The following ZDHHC23 variants were observed in gnomAD, a reference collection of about 807,000 sequenced individuals.
The protein encoded by ZDHHC23 is zDHHC palmitoyltransferase 23.
ZDHHC23 carries 41 observed loss-of-function variants against 40.2 expected under a neutral mutation model. The observed-to-expected ratio is 1.02, with a 90% CI of 0.79 to 1.32. The LOEUF (loss-of-function observed/expected upper bound fraction) is 1.32. ZDHHC23 is among the 40% of genes most tolerant of loss of function. ZDHHC23 has a pLI of 0.00. For synonymous variants in ZDHHC23, 204 were observed against 210.2 expected, an observed-to-expected ratio of 0.97 and a Z score of 0.26; for missense variants, 471 against 541.5, an observed-to-expected ratio of 0.87 and a Z score of 1.29.
At chr3:113,966,632 G>C (rs1321057113), downstream of ZDHHC23, among the ~76,000 whole-genome samples, 1 of 152,130 alleles carries the variant, frequency 6.6e-6, no homozygotes, top group Non-Finnish European at 1.5e-5. Context: ...GTGTTGAAAC[G>C]AAGTGCAGAG....
At chr3:113,974,893 T>C in the ZDHHC23 span, among the ~76,000 whole-genome samples, 23 of 152,332 alleles carry the variant, frequency 1.5e-4, no homozygotes, top group South Asian at 2.7e-3. Context: ...TAATCTTTTA[T>C]GTTTTCTACT....
intron 2 of ZDHHC23, 22 bp from the exon 3 acceptor site, chr3:113,953,678 T>G (rs375440180): frequency 1.3e-6 from 2 of 1,592,270 alleles, no homozygotes; most frequent in African/African-American, 2.7e-5. Flanking sequence ...AAGTCCCTCC[T>G]CTTTGTGCTT....
At chr3:113,973,107 G>T in the ZDHHC23 span, among the ~76,000 whole-genome samples, 1 of 152,076 alleles carries the variant, frequency 6.6e-6, no homozygotes, top group Admixed American at 6.6e-5. Context: ...TTGTTTGCTG[G>T]TTGTTTTGTA....
chr3:113,976,754 T>C, the ZDHHC23 span, among the ~76,000 whole-genome samples: 2 of 152,170 alleles, frequency 1.3e-5, no homozygotes, highest in African/African-American at 2.4e-5. Flanking sequence ...ATAGGTTCTG[T>C]TGCTATCCTC....
At chr3:113,967,245 C>T (rs1452334635), downstream of ZDHHC23, among the ~76,000 whole-genome samples, 8 of 152,232 alleles carry the variant, frequency 5.3e-5, no homozygotes, top group African/African-American at 1.9e-4. Flanking sequence ...CTCCCATTCT[C>T]AGCCATTCAC....
At chr3:113,968,547 CAA>C (rs1302332310), downstream of ZDHHC23, among the ~76,000 whole-genome samples, 1 of 151,510 alleles carries the variant, frequency 6.6e-6, no homozygotes, top group African/African-American at 2.4e-5. Flanking sequence ...CTCCTGGACT[CAA>C]GAGATCCTTT....
In ZDHHC23 at chr3:113,962,420, G is replaced by C. The variant is rs995882359; in HGVS notation, c.*3790G>C. The C allele has an allele frequency of 6.6e-6, 1 of 152,172 alleles. No individual in the cohort carries two copies. The highest frequency in any genetic ancestry group is 2.4e-5 in the African/African-American group (1 of 41,426). 9.4% of individuals were successfully genotyped at this position (152,172 alleles called of 1,614,324 possible). A position where few individuals can be genotyped will look rare whatever the true frequency, so the allele number is the denominator to read the frequency against. ...TTAAGAGGCTGCGATGTCTAGGTTG[G>C]GCTTGTGACTTCTTAGTGGCCTAGC... On this transcript the variant is annotated 3_prime_UTR_variant, in exon 5 of 5. Transcript: ENST00000638807.
the ZDHHC23 span, among the ~76,000 whole-genome samples, chr3:113,974,025 GCTCA>G: frequency 5.1e-3 from 776 of 150,942 alleles, 8 homozygotes; most frequent in African/African-American, 0.018. Flanking sequence ...TTGTCTTTGG[GCTCA>G]CTAATTCTTT....
rs914543011 is a variant in ZDHHC23, at chr3:113,953,863, C to A, written c.325C>A (p.His109Asn). The change falls in exon 3 of 5, where the codon CAT becomes AAT. Residue 109 changes from histidine (H) to asparagine (N), a missense_variant. By Grantham distance (68) the His-to-Asn change is moderately conservative. This residue lies in a region of ZDHHC23 where 42 missense variants were observed against 73.9 expected (regional missense o/e 0.57). Transcript: ENST00000638807. The stretch of plus-strand genomic sequence containing the variant: ...TGTCTTCCTTCATGTGGCTTCCTGG[C>A]ATTTCCTCCTGGGGGTGGTGGTTTT... ...LPVFLHVASW[H>N]FLLGVVVLTS... The A allele has an allele frequency of 6.2e-7, 1 of 1,614,172 alleles. No homozygotes were observed. The highest frequency in any genetic ancestry group is 8.5e-7 in the Non-Finnish European group (1 of 1,180,034).
intron 3 of ZDHHC23, 137 bp from the exon 4 acceptor site, chr3:113,956,202 G>T: frequency 3.4e-6 from 3 of 878,832 alleles, no homozygotes; most frequent in East Asian, 2.6e-5. Flanking sequence ...AGCCAAGATC[G>T]CGCCATTGCA....
At position 113,954,514 on chromosome 3, in the gene ZDHHC23, C is replaced by A; in HGVS notation, c.872+104C>A. 6 of 1,059,194 alleles carry A rather than the reference C, an allele frequency of 5.7e-6. No homozygotes were observed. In the South Asian group the frequency reaches 8.5e-5, roughly 15 times the overall value. 65.6% of individuals were successfully genotyped at this position (1,059,194 alleles called of 1,614,324 possible). Reference sequence around the variant, plus strand: ...ATCCCAAAATTTCTCTCCTTCCCAGCTTTACACCTTGTAGATATTTGTGGG... The same window carrying A: ...ATCCCAAAATTTCTCTCCTTCCCAGATTTACACCTTGTAGATATTTGTGGG... On this transcript the variant is annotated intron_variant, in intron 3 of 4. Transcript: ENST00000638807.
Position 113,960,494 on chromosome 3 carries a change from T to G in ZDHHC23, c.*1864T>G. 7.2e-7 allele frequency: 1 copy of G among 1,397,322 alleles called. No individual in the cohort carries two copies. Among genetic ancestry groups the G allele is most frequent in the Non-Finnish European group, 9.2e-7 (1 of 1,083,692 alleles). 86.6% of individuals were successfully genotyped at this position (1,397,322 alleles called of 1,614,324 possible). A position where few individuals can be genotyped will look rare whatever the true frequency, so the allele number is the denominator to read the frequency against. ...AAGGATAGCCTGTGTGGGCAGAAAT[T>G]GGTAGTCGTGCTTTTGAATGTCAGC... On this transcript the variant is annotated 3_prime_UTR_variant, in exon 5 of 5. Transcript: ENST00000638807.
intron 3 of ZDHHC23, 33 bp from the exon 4 acceptor site, chr3:113,956,306 G>A: frequency 6.3e-7 from 1 of 1,590,516 alleles, no homozygotes; most frequent in Non-Finnish European, 8.5e-7. Flanking sequence ...TTAAAAATGT[G>A]TTTGCTTTTT....
chr3:113,965,051 G>T, downstream of ZDHHC23: 2 of 591,728 alleles, frequency 3.4e-6, no homozygotes, highest in Non-Finnish European at 5.6e-6. Context: ...GAAGTAGCTC[G>T]TAGAGAATAA....
downstream of ZDHHC23, chr3:113,965,099 A>G (rs549713096): frequency 1.9e-6 from 2 of 1,062,764 alleles, no homozygotes; most frequent in South Asian, 3.5e-5. Context: ...GTGGGTGGAG[A>G]TAACACACAT....
chr3:113,957,028 T>C (rs72954688), intron 4 of ZDHHC23, among the ~76,000 whole-genome samples: 4,928 of 152,320 alleles, frequency 0.032, 289 homozygotes, highest in African/African-American at 0.11. Context: ...TTTCTTTCTT[T>C]TTTTAATCAC....
chr3:113,977,024 T>C, the ZDHHC23 span, among the ~76,000 whole-genome samples: 1 of 152,282 alleles, frequency 6.6e-6, no homozygotes, highest in East Asian at 1.9e-4. Context: ...GGCACCCTCA[T>C]GGCAATAAGA....
chr3:113,956,186 G>A (rs1188548584), intron 3 of ZDHHC23, among the ~76,000 whole-genome samples, 153 bp from the exon 4 acceptor site: 1 of 152,212 alleles, frequency 6.6e-6, no homozygotes, highest in Admixed American at 6.5e-5. Flanking sequence ...GGCAGAGGTT[G>A]CAGTGAGCCA....
chr3:113,953,149 C>G (rs765614254), intron 2 of ZDHHC23, among the ~76,000 whole-genome samples: 10 of 151,830 alleles, frequency 6.6e-5, no homozygotes, highest in Non-Finnish European at 1.3e-4. Context: ...ATGTGCTGCA[C>G]ACATTTCTTT....
Sources: allele counts gnomAD v4.1 joint callset (sites outside exome capture counted in the v4.1 genomes callset), GRCh38; gene constraint gnomAD v4.1.1; regional missense constraint gnomAD v4.1.1; transcripts MANE v1.5; gene names NCBI Gene and HGNC (gene_info 2026-07-23, HGNC 2026-07-21).